EXOC6B: variants seen among roughly 807,000 people sequenced by gnomAD.
The protein encoded by EXOC6B is SEC15 homolog B.
In EXOC6B, 54 loss-of-function variants were observed where a neutral mutation model predicts 113.5. The ratio of observed to expected loss-of-function variants is 0.48; its 90% confidence interval spans 0.38 to 0.60. The LOEUF (loss-of-function observed/expected upper bound fraction) is 0.60. Among genes scored for constraint, EXOC6B ranks in the 20% least tolerant of loss-of-function variants. The pLI, the probability that EXOC6B is intolerant of heterozygous loss-of-function variation, is 0.00. For synonymous variants in EXOC6B, 357 were observed against 339.0 expected (o/e 1.05, Z -0.58); for missense variants, 797 against 977.5 (o/e 0.82, Z 2.46).
intron 5 of EXOC6B, among the ~76,000 whole-genome samples, chr2:72,727,925 A>G (rs1226314329): frequency 6.6e-6 from 1 of 152,052 alleles, no homozygotes; most frequent in Non-Finnish European, 1.5e-5. Context: ...ACAATAAACA[A>G]CCTAAAAGTG....
chr2:72,433,575 A>T (rs933644926), intron 18 of EXOC6B, among the ~76,000 whole-genome samples: 8 of 152,050 alleles, frequency 5.3e-5, no homozygotes, highest in Non-Finnish European at 1.2e-4. Context: ...GTCCTCTCTT[A>T]TTTCCTTGAG....
chr2:72,508,219 T>C (rs939268417), intron 11 of EXOC6B, among the ~76,000 whole-genome samples: 1 of 143,236 alleles, frequency 7.0e-6, no homozygotes. Flanking sequence ...GGAAGTATTA[T>C]TAAATATTTT....
At chr2:72,352,751 T>C (rs1488657667) in intron 19 of EXOC6B, among the ~76,000 whole-genome samples, 1 of 150,420 alleles carries the variant, frequency 6.6e-6, no homozygotes. Context: ...TTTTGAGATG[T>C]GTAAGGCGTT....
rs369948710 is a variant in EXOC6B, at chr2:72,480,754, G to A, written c.1666-4C>T. 219 of 1,597,766 alleles carry A rather than the reference G, an allele frequency of 1.4e-4. 2 individuals carry two copies. In the East Asian group the frequency reaches 4.4e-3, roughly 32 times the overall value. On this transcript the variant is annotated splice_region_variant and splice_polypyrimidine_tract_variant and intron_variant, in intron 16 of 21. Transcript: ENST00000272427. ...TATTGATAATAATCTGAACAAGCTA[G>A]AAAACAACAAACACATGTAAAAGTC...
At chr2:72,294,111 A>T (rs1685976707) in intron 20 of EXOC6B, among the ~76,000 whole-genome samples, 1 of 152,100 alleles carries the variant, frequency 6.6e-6, no homozygotes, top group African/African-American at 2.4e-5. Flanking sequence ...ATTTCAATAA[A>T]CATTAAAGTT....
intron 19 of EXOC6B, among the ~76,000 whole-genome samples, chr2:72,335,631 T>G (rs1384260778): frequency 1.3e-5 from 2 of 150,734 alleles, no homozygotes; most frequent in Non-Finnish European, 3.0e-5. Flanking sequence ...AATCCATGAC[T>G]TGGCTTTTGA....
chr2:72,632,286 A>G (rs1310130270), intron 6 of EXOC6B, among the ~76,000 whole-genome samples: 1 of 152,168 alleles, frequency 6.6e-6, no homozygotes, highest in Admixed American at 6.5e-5. Context: ...AGACTGAAGA[A>G]AAGAATAATA....
chr2:72,587,333 A>G (rs547930354), intron 6 of EXOC6B, among the ~76,000 whole-genome samples: 1 of 152,366 alleles, frequency 6.6e-6, no homozygotes, highest in South Asian at 2.1e-4. Flanking sequence ...CATATACTGC[A>G]TGTTCTCACT....
chr2:72,521,642 TC>T (rs1701493129), intron 8 of EXOC6B, among the ~76,000 whole-genome samples: 1 of 152,192 alleles, frequency 6.6e-6, no homozygotes, highest in South Asian at 2.1e-4. Flanking sequence ...TTTTTATGCA[TC>T]TAAAGTATTT....
chr2:72,775,914 T>C (rs1283978512), intron 1 of EXOC6B, among the ~76,000 whole-genome samples: 1 of 152,258 alleles, frequency 6.6e-6, no homozygotes, highest in East Asian at 1.9e-4. Context: ...AGTAAAACCA[T>C]AGAAAACTGA....
intron 8 of EXOC6B, among the ~76,000 whole-genome samples, chr2:72,522,555 C>T (rs1701549423): frequency 4.6e-5 from 7 of 151,982 alleles, no homozygotes; most frequent in Admixed American, 4.6e-4. Flanking sequence ...AAAATGAAAG[C>T]CATTCATGAT....
intron 6 of EXOC6B, among the ~76,000 whole-genome samples, chr2:72,619,613 T>C (rs536702936): frequency 6.6e-6 from 1 of 152,206 alleles, no homozygotes; most frequent in African/African-American, 2.4e-5. Context: ...GGCAGATCTT[T>C]GAAGAGAAAA....
intron 2 of EXOC6B, among the ~76,000 whole-genome samples, chr2:72,740,522 G>A (rs959281164): frequency 3.3e-5 from 5 of 152,124 alleles, no homozygotes; most frequent in Admixed American, 6.6e-5. Flanking sequence ...AGACAAATGT[G>A]CCTAGCCTCC....
At chr2:72,324,969 T>G (rs904912381) in intron 20 of EXOC6B, among the ~76,000 whole-genome samples, 3 of 152,182 alleles carry the variant, frequency 2.0e-5, no homozygotes, top group African/African-American at 7.2e-5. Context: ...GTCTCTGGAC[T>G]GACTGGGATC....
intron 20 of EXOC6B, among the ~76,000 whole-genome samples, chr2:72,333,349 C>A (rs1688510685): frequency 6.6e-6 from 1 of 152,080 alleles, no homozygotes; most frequent in Admixed American, 6.6e-5. Context: ...GGACCAAAAC[C>A]ACAAACTAGA....
intron 18 of EXOC6B, among the ~76,000 whole-genome samples, chr2:72,399,970 G>C (rs908519263): frequency 2.0e-5 from 3 of 151,966 alleles, no homozygotes; most frequent in African/African-American, 4.8e-5. Context: ...AACACAAATA[G>C]CCAAAGCAAT....
At chr2:72,789,462 CAACA>C (rs1444020443) in intron 1 of EXOC6B, among the ~76,000 whole-genome samples, 1 of 152,178 alleles carries the variant, frequency 6.6e-6, no homozygotes, top group Non-Finnish European at 1.5e-5. Flanking sequence ...GCATTCTTGA[CAACA>C]ACTCTGAGTC....
chr2:72,345,945 G>T (rs532148255), intron 19 of EXOC6B, among the ~76,000 whole-genome samples: 1 of 152,180 alleles, frequency 6.6e-6, no homozygotes, highest in East Asian at 1.9e-4. Context: ...GAGTATATTG[G>T]AACTCTGTAC....
At position 72,682,025 on chromosome 2, in the gene EXOC6B, C is replaced by T. The variant is rs377691943; in HGVS notation, c.669+36078G>A. Among the ~76,000 whole-genome samples, 22 of 122,378 alleles carry T rather than the reference C, an allele frequency of 1.8e-4. 2 individuals carry two copies. Among genetic ancestry groups the T allele is most frequent in the African/African-American group, 8.8e-4 (18 of 20,482 alleles). The allele number at this position is 122,378 out of a possible 152,430, so 80.3% of individuals were successfully genotyped here. A position where few individuals can be genotyped will look rare whatever the true frequency, so the allele number is the denominator to read the frequency against. ...TAAAAAAAAAAAAAAAGAACTAATA[C>T]AATCTCTCTCTCTCTCTCTCAGAAG... On this transcript the variant is annotated intron_variant, in intron 6 of 21. Transcript: ENST00000272427.
Sources: gnomAD v4.1 joint callset for allele counts (sites outside exome capture counted in the v4.1 genomes callset) on GRCh38, gnomAD v4.1.1 for gene constraint, MANE v1.5 for transcripts, NCBI Gene and HGNC (gene_info 2026-07-23, HGNC 2026-07-21) for gene names.